Variants in LRRTM3 observed in about 807,000 individuals in gnomAD.
LRRTM3 encodes the protein leucine-rich repeat transmembrane neuronal protein 3.
Under a neutral mutation model 44.7 loss-of-function variants are expected in LRRTM3, and 24 were observed. That is an observed-to-expected ratio of 0.54 (90% CI 0.39 to 0.76). LRRTM3 has a LOEUF of 0.76. Among genes scored for constraint, LRRTM3 ranks in the 30% least tolerant of loss-of-function variants. The pLI is 0.00. For missense variants in LRRTM3, 587 were observed against 702.2 expected, an observed-to-expected ratio of 0.84 and a Z score of 1.85; for synonymous variants, 277 against 278.7, an observed-to-expected ratio of 0.99 and a Z score of 0.06.
chr10:66,958,596 T>C (rs888002441), intron 2 of LRRTM3, among the ~76,000 whole-genome samples: 1 of 151,952 alleles, frequency 6.6e-6, no homozygotes, highest in African/African-American at 2.4e-5. Flanking sequence ...CCTGCCATTT[T>C]ATTAAATACT....
chr10:67,053,388 G>T (rs977733719), intron 2 of LRRTM3, among the ~76,000 whole-genome samples: 1 of 152,106 alleles, frequency 6.6e-6, no homozygotes, highest in Non-Finnish European at 1.5e-5. Flanking sequence ...AGTATCTCTA[G>T]TAATTCTTAT....
intron 2 of LRRTM3, among the ~76,000 whole-genome samples, chr10:66,946,593 G>C (rs1848287160): frequency 6.6e-6 from 1 of 151,896 alleles, no homozygotes; most frequent in South Asian, 2.1e-4. Context: ...AACAGCATAG[G>C]GTAGCTTTAT....
chr10:67,095,537 C>G (rs1190246619), intron 2 of LRRTM3, among the ~76,000 whole-genome samples: 1 of 151,730 alleles, frequency 6.6e-6, no homozygotes, highest in Non-Finnish European at 1.5e-5. Flanking sequence ...AGCCTTGATA[C>G]ATTAAATCAA....
chr10:66,942,473 T>C (rs1325164962), intron 2 of LRRTM3, among the ~76,000 whole-genome samples: 1 of 152,146 alleles, frequency 6.6e-6, no homozygotes, highest in African/African-American at 2.4e-5. Context: ...TTCAACATCA[T>C]TTCCATTTCA....
At chr10:67,085,555 A>T (rs1386226911) in intron 2 of LRRTM3, among the ~76,000 whole-genome samples, 1 of 152,022 alleles carries the variant, frequency 6.6e-6, no homozygotes, top group South Asian at 2.1e-4. Context: ...TTATTAAAAT[A>T]TCAACAAGAA....
At position 66,961,651 on chromosome 10, in the gene LRRTM3, TATCC is replaced by T. The variant is rs59253549; in HGVS notation, c.1536+33202_1536+33205del. Among the ~76,000 whole-genome samples the T allele has an allele frequency of 4.1e-3, 630 of 152,292 alleles. 32 individuals carry two copies. The East Asian group carries it at 0.1, about 25-fold the overall frequency. ...ACAAATCAAGATGACTCCAGATTTATATCCATAGCCTTGATCTCTCCCCTGAATT... is the reference window on the plus strand; with the variant it reads ...ACAAATCAAGATGACTCCAGATTTATATAGCCTTGATCTCTCCCCTGAATT... On this transcript the variant is annotated intron_variant, in intron 2 of 2. Transcript: ENST00000361320.
rs78476238 is a variant in LRRTM3, at chr10:67,063,989, T to C, written c.1537-33598T>C. 0.01 allele frequency among the ~76,000 whole-genome samples: 1,564 copies of C among 152,286 alleles called. 64 individuals are homozygous for C. The East Asian group carries it at 0.14, about 14-fold the overall frequency. On this transcript the variant is annotated intron_variant, in intron 2 of 2. Transcript: ENST00000361320. ...AACAAAAGTAACACAGTCAGTTGGA[T>C]GGAATTTTAGAGTCATCTCCCTCTA...
intron 2 of LRRTM3, among the ~76,000 whole-genome samples, chr10:67,021,443 T>A (rs1272513748): frequency 6.6e-6 from 1 of 152,218 alleles, no homozygotes; most frequent in East Asian, 1.9e-4. Context: ...AAATATAAAA[T>A]TTTAAATACC....
intron 2 of LRRTM3, among the ~76,000 whole-genome samples, chr10:67,069,697 T>A (rs929204642): frequency 1.3e-5 from 2 of 151,900 alleles, no homozygotes; most frequent in African/African-American, 2.4e-5. Flanking sequence ...TGTGTCTGAA[T>A]GTTGTGTCTC....
intron 2 of LRRTM3, among the ~76,000 whole-genome samples, chr10:66,967,162 A>C (rs934614998): frequency 3.9e-5 from 6 of 152,012 alleles, no homozygotes; most frequent in African/African-American, 1.4e-4. Context: ...TTTTTCTGGA[A>C]ACGTGAGATT....
intron 2 of LRRTM3, among the ~76,000 whole-genome samples, chr10:67,047,164 C>G (rs977971909): frequency 6.6e-6 from 1 of 152,134 alleles, no homozygotes; most frequent in African/African-American, 2.4e-5. Context: ...ATCTCTAGTA[C>G]AATGCTTCAA....
At chr10:67,061,355 T>C (rs1282041932) in intron 2 of LRRTM3, among the ~76,000 whole-genome samples, 12 of 152,336 alleles carry the variant, frequency 7.9e-5, no homozygotes, top group Non-Finnish European at 1.0e-4. Context: ...CAGCACTATT[T>C]ACAAAATAGA....
intron 2 of LRRTM3, among the ~76,000 whole-genome samples, chr10:67,039,920 G>A (rs1854290975): frequency 6.6e-6 from 1 of 152,108 alleles, no homozygotes; most frequent in Non-Finnish European, 1.5e-5. Flanking sequence ...AAGTTTTGGA[G>A]ATAGCCAACC....
chr10:66,945,451 G>C (rs1049735840), intron 2 of LRRTM3, among the ~76,000 whole-genome samples: 1 of 152,130 alleles, frequency 6.6e-6, no homozygotes, highest in Non-Finnish European at 1.5e-5. Context: ...AAAGGATCTA[G>C]GGCTTTACTC....
chr10:66,994,870 C>T (rs1851243098), intron 2 of LRRTM3, among the ~76,000 whole-genome samples: 1 of 152,048 alleles, frequency 6.6e-6, no homozygotes, highest in South Asian at 2.1e-4. Context: ...CCAAATGTTA[C>T]AATATGAAAT....
At chr10:67,096,147 T>C (rs1589732559) in intron 2 of LRRTM3, among the ~76,000 whole-genome samples, 2 of 152,020 alleles carry the variant, frequency 1.3e-5, no homozygotes, top group East Asian at 3.9e-4. Context: ...ATATATTTTA[T>C]ATGCCGAAAT....
chr10:67,056,940 A>C (rs775382061), intron 2 of LRRTM3, among the ~76,000 whole-genome samples: 1 of 152,152 alleles, frequency 6.6e-6, no homozygotes, highest in Non-Finnish European at 1.5e-5. Flanking sequence ...CCTGGGTGCA[A>C]AAGAGTGGGA....
chr10:67,007,677 T>A (rs1925619), intron 2 of LRRTM3, among the ~76,000 whole-genome samples: 77,781 of 151,674 alleles, frequency 0.51, 20,835 homozygotes, highest in Middle Eastern at 0.73. Context: ...ACTCAACATT[T>A]CCCACCATTT....
chr10:66,961,338 C>T (rs1039367758), intron 2 of LRRTM3, among the ~76,000 whole-genome samples: 2 of 152,138 alleles, frequency 1.3e-5, no homozygotes, highest in African/African-American at 4.8e-5. Context: ...ATAAACTCCA[C>T]ATTGCTCAGT....
Sources: allele counts gnomAD v4.1 joint callset (sites outside exome capture counted in the v4.1 genomes callset), GRCh38; gene constraint gnomAD v4.1.1; transcripts MANE v1.5; gene names NCBI Gene and HGNC (gene_info 2026-07-23, HGNC 2026-07-21).